TBXAS1: variants seen among roughly 807,000 people sequenced by gnomAD.
TBXAS1 encodes thromboxane-A synthase.
In TBXAS1, 48 loss-of-function variants were observed where a neutral mutation model predicts 60.7. That is an observed-to-expected ratio of 0.79 (90% CI 0.63 to 1.01). TBXAS1 has a LOEUF of 1.01. Among genes scored for constraint, TBXAS1 ranks in the 50% least tolerant of loss-of-function variants. The pLI is 0.00. For missense variants in TBXAS1, 685 were observed against 686.3 expected, an observed-to-expected ratio of 1.00 and a Z score of 0.02; for synonymous variants, 287 against 269.7, an observed-to-expected ratio of 1.06 and a Z score of -0.63.
At chr7:139,921,782 G>A (rs1286552007) in intron 4 of TBXAS1, among the ~76,000 whole-genome samples, 7 of 152,140 alleles carry the variant, frequency 4.6e-5, no homozygotes, top group Non-Finnish European at 8.8e-5. Context: ...AAACATATAG[G>A]TTTCCAGTTT....
chr7:139,822,838 C>T (rs1298585383), intron 4 of TBXAS1, among the ~76,000 whole-genome samples: 1 of 152,176 alleles, frequency 6.6e-6, no homozygotes, highest in African/African-American at 2.4e-5. Context: ...AGCTGACCCG[C>T]AGCCTCCTGG....
At chr7:140,006,023 G>A (rs976928074) in intron 9 of TBXAS1, among the ~76,000 whole-genome samples, 3 of 152,200 alleles carry the variant, frequency 2.0e-5, no homozygotes, top group Non-Finnish European at 4.4e-5. Context: ...CCCTGCAGAC[G>A]GAGGAACTAG....
chr7:139,922,209 CT>C (rs375192809), intron 4 of TBXAS1, among the ~76,000 whole-genome samples: 16 of 151,312 alleles, frequency 1.1e-4, no homozygotes, highest in African/African-American at 2.9e-4. Context: ...TCAAGCGATT[CT>C]CCTGCCTCAG....
intron 1 of TBXAS1, among the ~76,000 whole-genome samples, chr7:139,838,746 T>G (rs898045828): frequency 2.6e-5 from 4 of 152,184 alleles, no homozygotes; most frequent in Non-Finnish European, 4.4e-5. Flanking sequence ...ACACCATTTT[T>G]CCATGATGAT....
At position 139,878,371 on chromosome 7, in the gene TBXAS1, A is replaced by G. The variant is rs558493882; in HGVS notation, c.236+2734A>G. On this transcript the variant is annotated intron_variant, in intron 3 of 12. Coordinates refer to ENST00000448866, the MANE Select transcript of TBXAS1 (RefSeq NM_001061.7). ...TTTTCATTTCAAGAAAACCTAAATC[A>G]TAGAGAATGATTTCAAATGAGGTTA... Among the ~76,000 whole-genome samples the G allele has an allele frequency of 4.6e-5, 7 of 152,348 alleles. 1 individual carries two copies. Among genetic ancestry groups the G allele is most frequent in the Middle Eastern group, 6.8e-3 (2 of 294 alleles).
At chr7:139,957,365 C>T (rs1189063889) in intron 7 of TBXAS1, among the ~76,000 whole-genome samples, 6 of 152,184 alleles carry the variant, frequency 3.9e-5, no homozygotes, top group African/African-American at 1.4e-4. Context: ...TGAGGGTGAC[C>T]TTGACCTCTT....
Position 139,957,755 on chromosome 7 carries a change from T to C in TBXAS1, c.810T>C (p.Ala270=). 6.2e-7 allele frequency: 1 copy of C among 1,614,118 alleles called. No individual in the cohort carries two copies. ...RNVIALRDQQ[A]AEERRRDFLQ... is the part of the protein sequence containing the mutation. ...TGATTGCCTTGCGGGACCAGCAAGCTGCCGAAGAGGTAACGTATTTTAATA... is the reference window on the plus strand; with the variant it reads ...TGATTGCCTTGCGGGACCAGCAAGCCGCCGAAGAGGTAACGTATTTTAATA... The change falls in exon 8 of 13, where the codon GCT becomes GCC. Residue 270 remains alanine, a synonymous_variant. Transcript: ENST00000448866.
chr7:139,807,487 G>T (rs140688456), intron 4 of TBXAS1, among the ~76,000 whole-genome samples: 5,721 of 152,040 alleles, frequency 0.038, 164 homozygotes, highest in Middle Eastern at 0.075. Context: ...GGGTTCAAGT[G>T]ATTCTCCTGC....
intron 3 of TBXAS1, among the ~76,000 whole-genome samples, chr7:139,908,547 G>A (rs1270072766): frequency 6.6e-6 from 1 of 152,028 alleles, no homozygotes; most frequent in African/African-American, 2.4e-5. Context: ...CAATCTATGA[G>A]TATGAATGCC....
At chr7:140,015,333 G>A (rs1051437549) in intron 10 of TBXAS1, among the ~76,000 whole-genome samples, 24 of 152,264 alleles carry the variant, frequency 1.6e-4, no homozygotes, top group African/African-American at 5.5e-4. Flanking sequence ...GGGAAGATAG[G>A]ATAGGCTGTG....
At chr7:139,856,107 C>T (rs1489489603) in intron 1 of TBXAS1, among the ~76,000 whole-genome samples, 1 of 152,138 alleles carries the variant, frequency 6.6e-6, no homozygotes, top group Non-Finnish European at 1.5e-5. Flanking sequence ...ATGAGGACAA[C>T]GTCATCAATT....
At chr7:139,998,471 C>G (rs1813447853) in intron 9 of TBXAS1, among the ~76,000 whole-genome samples, 1 of 152,134 alleles carries the variant, frequency 6.6e-6, no homozygotes, top group South Asian at 2.1e-4. Context: ...ATTTGAAGAC[C>G]TGGATTCAGT....
chr7:139,898,586 C>G (rs114523046), intron 3 of TBXAS1, among the ~76,000 whole-genome samples: 2 of 152,076 alleles, frequency 1.3e-5, no homozygotes, highest in Non-Finnish European at 2.9e-5. Flanking sequence ...GCTGGGATTA[C>G]AGGCGTGAGC....
intron 11 of TBXAS1, among the ~76,000 whole-genome samples, chr7:140,016,083 C>T (rs1815021395): frequency 6.6e-6 from 1 of 152,148 alleles, no homozygotes; most frequent in Admixed American, 6.5e-5. Flanking sequence ...AATCCCAGCA[C>T]TTTGGGAGGC....
At chr7:139,908,053 G>C (rs1334677572) in intron 3 of TBXAS1, among the ~76,000 whole-genome samples, 1 of 151,708 alleles carries the variant, frequency 6.6e-6, no homozygotes, top group Non-Finnish European at 1.5e-5. Flanking sequence ...TTTTATCTTT[G>C]TTAGTCTTGT....
At chr7:139,984,559 A>G (rs1223327166) in intron 9 of TBXAS1, among the ~76,000 whole-genome samples, 1 of 151,034 alleles carries the variant, frequency 6.6e-6, no homozygotes, top group African/African-American at 2.4e-5. Flanking sequence ...TTGATGTCCC[A>G]TTTCCCCAGG....
At chr7:139,980,570 A>C (rs1481509063) in intron 9 of TBXAS1, among the ~76,000 whole-genome samples, 1 of 152,062 alleles carries the variant, frequency 6.6e-6, no homozygotes, top group Non-Finnish European at 1.5e-5. Context: ...ATTTTCAGAA[A>C]GTTAGGAGTC....
chr7:139,836,108 C>CGTATTG lies in TBXAS1; in HGVS notation c.89+6629_89+6630insGTATTG, dbSNP rs1799044652. 8.6e-5 allele frequency among the ~76,000 whole-genome samples: 13 copies of CGTATTG among 150,838 alleles called. No individual in the cohort carries two copies. In the South Asian group the frequency reaches 2.8e-3, roughly 32 times the overall value. On this transcript the variant is annotated intron_variant, in intron 1 of 12. Transcript: ENST00000448866. ...TAAAATACTTAGGAACATACCTAAC[C>CGTATTG]AAAGAGTTGAAAAGCCTCTACAGGG...
chr7:139,897,557 G>A (rs1210907659), intron 3 of TBXAS1, among the ~76,000 whole-genome samples: 1 of 152,182 alleles, frequency 6.6e-6, no homozygotes, highest in Non-Finnish European at 1.5e-5. Flanking sequence ...CAAGCAGCAG[G>A]TCAGAATGAT....
Sources: gnomAD v4.1 joint callset for allele counts (sites outside exome capture counted in the v4.1 genomes callset) on GRCh38, gnomAD v4.1.1 for gene constraint, MANE v1.5 for transcripts, NCBI Gene and HGNC (gene_info 2026-07-23, HGNC 2026-07-21) for gene names.